USP47: variants seen among roughly 807,000 people sequenced by gnomAD.
USP47 encodes ubiquitin specific peptidase 47.
USP47 carries 35 observed loss-of-function variants against 165.1 expected under a neutral mutation model. The ratio of observed to expected loss-of-function variants is 0.21; its 90% CI spans 0.16 to 0.28. USP47 has a LOEUF of 0.28. USP47 is among the 10% of genes least tolerant of loss of function. The pLI is 1.00. For synonymous variants in USP47, 531 were observed against 544.5 expected (o/e 0.98, Z 0.35); for missense variants, 1,277 against 1,607.4 (o/e 0.79, Z 3.52).
Position 11,930,733 on chromosome 11 carries a change from G to A in USP47, c.1633G>A (p.Asp545Asn). ...NAYMLIYRLK[D>N]PARNAKFLEV... The stretch of plus-strand genomic sequence containing the variant: ...ATATATGCTGATCTATAGACTGAAG[G>A]ATCCAGCCAGAAATGCAAGTATGTT... Residue 545 changes from aspartate (D) to asparagine (N), a missense_variant, in exon 14 of 28, where the codon GAT becomes AAT. Physicochemically the swap from Asp to Asn is conservative, Grantham distance 23. Transcript: ENST00000527733. The A allele has an allele frequency of 6.2e-7, 1 of 1,604,208 alleles. No homozygotes were observed. Among genetic ancestry groups the A allele is most frequent in the Non-Finnish European group, 8.5e-7 (1 of 1,176,626 alleles).
intron 3 of USP47, among the ~76,000 whole-genome samples, chr11:11,886,559 G>C (rs952855370): frequency 6.6e-6 from 1 of 152,036 alleles, no homozygotes; most frequent in Non-Finnish European, 1.5e-5. Context: ...GAATGAAAAG[G>C]AATGAACAAA....
At chr11:11,938,185 G>A in intron 17 of USP47, 72 bp from the exon 18 acceptor site, 1 of 1,280,620 alleles carries the variant, frequency 7.8e-7, no homozygotes, top group Non-Finnish European at 1.1e-6. Flanking sequence ...AACACATTAA[G>A]AATGCATTAC....
In USP47 at chr11:11,961,355, C is replaced by A. The variant is rs529146055; in HGVS notation, c.*5180C>A. ...GATTATTCTGGATTATCTAGGTGGG[C>A]GCAATTTGATCACATGGGTCCCCAG... On this transcript the variant is annotated 3_prime_UTR_variant, in exon 28 of 28. Coordinates refer to ENST00000527733, the MANE Select transcript of USP47 (RefSeq NM_001282659.2). Among the ~76,000 whole-genome samples, 1 of 151,918 alleles carries A rather than the reference C, an allele frequency of 6.6e-6. No individual in the cohort carries two copies. The highest frequency in any genetic ancestry group is 1.5e-5 in the Non-Finnish European group (1 of 68,006).
intron 24 of USP47, chr11:11,952,341 A>G (rs1481283758): frequency 1.3e-5 from 2 of 152,372 alleles, no homozygotes; most frequent in African/African-American, 4.8e-5. Flanking sequence ...TGGGGAGTAA[A>G]TGGAAAGAGA....
At chr11:11,908,705 T>TAA (rs879882195) in intron 8 of USP47, among the ~76,000 whole-genome samples, 30,564 of 151,816 alleles carry the variant, frequency 0.2, 3,419 homozygotes, top group Admixed American at 0.35. Flanking sequence ...AAAAAAGCCT[T>TAA]TTATTATAAT....
At chr11:11,852,204 C>T (rs1383683609) in intron 1 of USP47, among the ~76,000 whole-genome samples, 1 of 152,168 alleles carries the variant, frequency 6.6e-6, no homozygotes, top group African/African-American at 2.4e-5. Context: ...GCAATTATTA[C>T]TGTGGCTTAA....
chr11:11,848,826 G>A (rs1848571365), intron 1 of USP47, among the ~76,000 whole-genome samples: 1 of 152,076 alleles, frequency 6.6e-6, no homozygotes, highest in Non-Finnish European at 1.5e-5. Context: ...AGCCAGGATG[G>A]TCTTGATCTC....
chr11:11,849,183 G>A (rs1432632674), intron 1 of USP47, among the ~76,000 whole-genome samples: 3 of 152,098 alleles, frequency 2.0e-5, no homozygotes, highest in Admixed American at 6.5e-5. Context: ...GGCTATAGGC[G>A]TGAGCCACCA....
chr11:11,869,500 T>C (rs80184802), intron 1 of USP47, among the ~76,000 whole-genome samples: 2,651 of 152,302 alleles, frequency 0.017, 60 homozygotes, highest in East Asian at 0.083. Flanking sequence ...TTGATTACTG[T>C]TGCTGTATGT....
intron 1 of USP47, among the ~76,000 whole-genome samples, chr11:11,843,892 T>C (rs1057427356): frequency 7.9e-5 from 12 of 152,238 alleles, no homozygotes; most frequent in East Asian, 3.8e-4. Context: ...TCACAACTTA[T>C]GTTTTTTCCC....
intron 1 of USP47, among the ~76,000 whole-genome samples, chr11:11,854,779 C>CT (rs1247017260): frequency 6.8e-6 from 1 of 147,326 alleles, no homozygotes; most frequent in African/African-American, 2.4e-5. Context: ...CAAGTAAGAC[C>CT]TATTGTTACA....
chr11:11,893,956 A>G (rs1191677458), intron 4 of USP47, among the ~76,000 whole-genome samples: 1 of 152,186 alleles, frequency 6.6e-6, no homozygotes, highest in Non-Finnish European at 1.5e-5. Context: ...TTCTGGAAAT[A>G]ATAGTAAAAC....
chr11:11,856,702 A>G (rs1202153707), intron 1 of USP47: 1 of 152,250 alleles, frequency 6.6e-6, no homozygotes, highest in Non-Finnish European at 1.5e-5. Flanking sequence ...TTCAGCATAC[A>G]TTTGATAACT....
chr11:11,939,420 G>A (rs115053480), intron 18 of USP47, among the ~76,000 whole-genome samples: 2,809 of 151,838 alleles, frequency 0.018, 65 homozygotes, highest in African/African-American at 0.054. Context: ...AATGCTCTGA[G>A]GAAAAAAATT....
intron 1 of USP47, among the ~76,000 whole-genome samples, chr11:11,864,184 A>G (rs1442474389): frequency 2.0e-5 from 3 of 152,024 alleles, no homozygotes; most frequent in Admixed American, 2.0e-4. Flanking sequence ...ATTTTTTTGT[A>G]TTACAAGAAA....
At chr11:11,885,766 C>T (rs966502156) in intron 3 of USP47, among the ~76,000 whole-genome samples, 5 of 152,220 alleles carry the variant, frequency 3.3e-5, no homozygotes, top group African/African-American at 9.6e-5. Context: ...CACAGCACCT[C>T]ACAAGCTAAG....
At chr11:11,897,745 T>C (rs930869879) in intron 5 of USP47, 52 bp downstream of exon 5, 3 of 1,306,500 alleles carry the variant, frequency 2.3e-6, no homozygotes, top group Non-Finnish European at 3.2e-6. Context: ...AATGAAAATA[T>C]CACTTTTAAC....
At chr11:11,952,949 A>G in intron 25 of USP47, 78 bp downstream of exon 25, 1 of 1,057,656 alleles carries the variant, frequency 9.5e-7, no homozygotes, top group Non-Finnish European at 1.2e-6. Context: ...ATAATATATA[A>G]ACAATACATT....
At chr11:11,954,245 G>A (rs1038404516) in intron 25 of USP47, among the ~76,000 whole-genome samples, 2 of 152,040 alleles carry the variant, frequency 1.3e-5, no homozygotes, top group South Asian at 4.1e-4. Flanking sequence ...GTGAGACTCT[G>A]TCTCAAGAAA....
Sources: allele counts gnomAD v4.1 joint callset (sites outside exome capture counted in the v4.1 genomes callset), GRCh38; gene constraint gnomAD v4.1.1; transcripts MANE v1.5; gene names NCBI Gene and HGNC (gene_info 2026-07-23, HGNC 2026-07-21).